The following EVC2 variants were observed in gnomAD, a reference collection of about 807,000 sequenced individuals.
The protein encoded by EVC2 is EvC ciliary complex subunit 2.
A neutral mutation model predicts 149.3 loss-of-function variants in EVC2; 148 were observed. The ratio of observed to expected loss-of-function variants is 0.99; its 90% confidence interval spans 0.87 to 1.14. The LOEUF is 1.14. EVC2 is among the 50% of genes most tolerant of loss of function. EVC2 has a pLI of 0.00. For synonymous variants in EVC2, 776 were observed against 649.9 expected, an observed-to-expected ratio of 1.19 and a Z score of -2.95; for missense variants, 1,854 against 1,627.3, an observed-to-expected ratio of 1.14 and a Z score of -2.40.
At chr4:5,699,804 C>T (rs115516199) in intron 1 of EVC2, among the ~76,000 whole-genome samples, 5,127 of 151,786 alleles carry the variant, frequency 0.034, 271 homozygotes, top group African/African-American at 0.11. Flanking sequence ...GCCCAGAAGA[C>T]GAAGTGAGAC....
intron 17 of EVC2, among the ~76,000 whole-genome samples, chr4:5,579,420 T>G (rs2108782123): frequency 6.6e-6 from 1 of 152,318 alleles, no homozygotes; most frequent in African/African-American, 2.4e-5. Flanking sequence ...TCAAGGTTAT[T>G]TCTGTTCTTC....
chr4:5,548,291 C>G (rs1023909910), intron 21 of EVC2, among the ~76,000 whole-genome samples: 20 of 151,678 alleles, frequency 1.3e-4, no homozygotes, highest in African/African-American at 4.8e-4. Flanking sequence ...AGTGATACCC[C>G]AAAGATCCCT....
intron 9 of EVC2, among the ~76,000 whole-genome samples, chr4:5,655,753 AGAAG>A (rs1189633523): frequency 3.5e-4 from 46 of 131,192 alleles, no homozygotes; most frequent in South Asian, 2.8e-4. Flanking sequence ...TGGAAGGAAG[AGAAG>A]GAAGGAAGGG....
chr4:5,606,880 C>T (rs754191621), intron 16 of EVC2, among the ~76,000 whole-genome samples: 20 of 152,082 alleles, frequency 1.3e-4, no homozygotes, highest in Non-Finnish European at 2.5e-4. Context: ...ATGATGAGTA[C>T]GTTAAGGTGG....
intron 19 of EVC2, among the ~76,000 whole-genome samples, chr4:5,574,462 C>T (rs1722800711): frequency 2.6e-5 from 4 of 152,204 alleles, no homozygotes; most frequent in South Asian, 2.1e-4. Context: ...GAAAAGACAT[C>T]GACTGGGGCA....
At chr4:5,693,941 G>C (rs907558595) in intron 3 of EVC2, among the ~76,000 whole-genome samples, 2 of 152,216 alleles carry the variant, frequency 1.3e-5, no homozygotes, top group Non-Finnish European at 2.9e-5. Flanking sequence ...TGAGGCTCAA[G>C]TGAGATTATA....
intron 16 of EVC2, among the ~76,000 whole-genome samples, chr4:5,599,627 C>T (rs1010883146): frequency 1.4e-4 from 21 of 152,016 alleles, no homozygotes; most frequent in African/African-American, 9.7e-5. Context: ...TGCGAAATGA[C>T]GAGTTAATGG....
the EVC2 span, among the ~76,000 whole-genome samples, chr4:5,536,687 G>C: frequency 6.6e-6 from 1 of 152,072 alleles, no homozygotes; most frequent in East Asian, 1.9e-4. Flanking sequence ...GGGATGCTGA[G>C]GCAGGAGAAT....
At chr4:5,674,926 G>A (rs764281932) in intron 7 of EVC2, among the ~76,000 whole-genome samples, 3 of 152,150 alleles carry the variant, frequency 2.0e-5, no homozygotes, top group Non-Finnish European at 4.4e-5. Context: ...AGTGGGCTTC[G>A]AATGTCCACG....
At chr4:5,559,661 A>T (rs1449884439), downstream of EVC2, among the ~76,000 whole-genome samples, 1 of 152,232 alleles carries the variant, frequency 6.6e-6, no homozygotes, top group Non-Finnish European at 1.5e-5. The surrounding 1 kb of genome is among the most constrained non-coding windows in gnomAD (Gnocchi z 5.0). Context: ...GGTTATGTTA[A>T]AGGGATATGG....
intron 9 of EVC2, among the ~76,000 whole-genome samples, chr4:5,642,230 G>A (rs559190307): frequency 1.3e-5 from 2 of 152,258 alleles, no homozygotes; most frequent in East Asian, 3.9e-4. Flanking sequence ...TGTAAATAGT[G>A]CTGCACGTCT....
chr4:5,695,786 T>C (rs927002486), intron 2 of EVC2, among the ~76,000 whole-genome samples: 2 of 152,238 alleles, frequency 1.3e-5, no homozygotes, highest in Non-Finnish European at 2.9e-5. Flanking sequence ...AAGGTGTACT[T>C]TTCAGTCTTT....
In EVC2 at chr4:5,554,719, A is replaced by T. The variant is rs1183299430; in HGVS notation, c.3419+10539T>A. Among the ~76,000 whole-genome samples, 6 of 152,320 alleles carry T rather than the reference A, an allele frequency of 3.9e-5. No individual in the cohort carries two copies. In the East Asian group the frequency reaches 1.2e-3, roughly 29 times the overall value. On this transcript the variant is annotated intron_variant and NMD_transcript_variant, in intron 21 of 22. Coordinates refer to the EVC2 transcript ENST00000475313. ...CAGCCTGGAGACAGAGAAGACTGGG[A>T]ATACATTAAGTCTATCATAGCCAGA...
chr4:5,563,493 C>T (rs187360561), intron 21 of EVC2, among the ~76,000 whole-genome samples: 3 of 152,278 alleles, frequency 2.0e-5, no homozygotes, highest in East Asian at 1.9e-4. Flanking sequence ...ACGACAGGCG[C>T]GTGCAACCAT....
At chr4:5,597,108 C>T (rs1027482910) in intron 16 of EVC2, among the ~76,000 whole-genome samples, 27 of 152,112 alleles carry the variant, frequency 1.8e-4, no homozygotes, top group South Asian at 2.1e-4. Flanking sequence ...CAGGACCAGA[C>T]GGATTCACAG....
At chr4:5,555,563 G>A (rs1343947425) in intron 21 of EVC2, among the ~76,000 whole-genome samples, 1 of 152,038 alleles carries the variant, frequency 6.6e-6, no homozygotes, top group African/African-American at 2.4e-5. Context: ...GGAAAAAGAA[G>A]GGAATACATA....
chr4:5,626,120 T>C (rs1716091755), intron 12 of EVC2, among the ~76,000 whole-genome samples: 1 of 152,044 alleles, frequency 6.6e-6, no homozygotes, highest in Non-Finnish European at 1.5e-5. Context: ...GAGACATCAT[T>C]AGGGTGGAAG....
intron 7 of EVC2, among the ~76,000 whole-genome samples, chr4:5,674,583 C>T (rs1406857290): frequency 1.3e-5 from 2 of 152,128 alleles, no homozygotes; most frequent in South Asian, 2.1e-4. Context: ...CAGGGGAGGG[C>T]TCGGGCATCA....
intron 18 of EVC2, among the ~76,000 whole-genome samples, chr4:5,575,749 A>G (rs1038886798): frequency 1.3e-5 from 2 of 152,248 alleles, no homozygotes; most frequent in African/African-American, 4.8e-5. Flanking sequence ...GAATTGAAAA[A>G]CAACGCAAAG....
Sources: allele counts gnomAD v4.1 joint callset (sites outside exome capture counted in the v4.1 genomes callset), GRCh38; gene constraint gnomAD v4.1.1; non-coding constraint Gnocchi (gnomAD v3.1); transcripts MANE v1.5; gene names NCBI Gene and HGNC (gene_info 2026-07-23, HGNC 2026-07-21).